Variants in ESRRG observed in about 807,000 individuals in gnomAD.
ESRRG encodes estrogen related receptor gamma.
ESRRG carries 13 observed loss-of-function variants against 44.0 expected under a neutral mutation model. That is an observed-to-expected ratio of 0.30 (90% CI 0.19 to 0.47). The LOEUF (loss-of-function observed/expected upper bound fraction) is 0.47. Among genes scored for constraint, ESRRG ranks in the 20% least tolerant of loss-of-function variants. The pLI, the probability that ESRRG is intolerant of heterozygous loss-of-function variation, is 1.00. For synonymous variants in ESRRG, 215 were observed against 214.6 expected (o/e 1.00, Z -0.02); for missense variants, 395 against 580.6 (o/e 0.68, Z 3.29).
chr1:216,659,277 A>G (rs2071622555), intron 2 of ESRRG, among the ~76,000 whole-genome samples: 1 of 152,210 alleles, frequency 6.6e-6, no homozygotes, highest in Non-Finnish European at 1.5e-5. Context: ...TGAATATGCC[A>G]TTCACTCAGA....
rs182107320 is a variant in ESRRG, at chr1:216,739,753, A to G, written c.-13-62262T>C. 3.9e-5 allele frequency among the ~76,000 whole-genome samples: 6 copies of G among 152,304 alleles called. No individual in the cohort carries two copies. In the East Asian group the frequency reaches 1.2e-3, roughly 29 times the overall value. The stretch of plus-strand genomic sequence containing the variant: ...CACTGCTAACTCCTTCTCAAAATCT[A>G]TTTTGCTAATATGGCTCTCCTATAT... On this transcript the variant is annotated intron_variant, in intron 2 of 7. Coordinates refer to the ESRRG transcript ENST00000359162.
intron 1 of ESRRG, among the ~76,000 whole-genome samples, chr1:217,026,473 C>G (rs887686927): frequency 2.6e-5 from 4 of 152,120 alleles, no homozygotes; most frequent in Non-Finnish European, 5.9e-5. Flanking sequence ...CACTTCTTCC[C>G]AAAGAGTTAT....
chr1:216,827,411 A>G (rs1452354740), intron 2 of ESRRG, among the ~76,000 whole-genome samples: 1 of 152,168 alleles, frequency 6.6e-6, no homozygotes, highest in African/African-American at 2.4e-5. Context: ...GCATCTGACA[A>G]TAACTGCAGG....
chr1:216,803,783 T>A (rs1212933134), intron 2 of ESRRG, among the ~76,000 whole-genome samples: 1 of 152,074 alleles, frequency 6.6e-6, no homozygotes, highest in Non-Finnish European at 1.5e-5. Context: ...TTTACTTGAT[T>A]TTCTCTGATC....
chr1:216,934,353 G>A (rs1452183302), intron 2 of ESRRG, among the ~76,000 whole-genome samples: 3 of 152,192 alleles, frequency 2.0e-5, no homozygotes, highest in Admixed American at 6.5e-5. Flanking sequence ...AGACTTGCTT[G>A]AACTTGGGAG....
chr1:217,073,949 A>G (rs915190984), intron 1 of ESRRG, among the ~76,000 whole-genome samples: 1 of 152,058 alleles, frequency 6.6e-6, no homozygotes, highest in Non-Finnish European at 1.5e-5. Context: ...TATACACTCC[A>G]TACTTACTAG....
chr1:216,692,292 G>A (rs2079188201), intron 1 of ESRRG, among the ~76,000 whole-genome samples: 1 of 137,518 alleles, frequency 7.3e-6, no homozygotes, highest in Non-Finnish European at 1.5e-5. Flanking sequence ...TCCTGACCCT[G>A]TGTAGGCCTA....
At chr1:216,798,898 C>A (rs899816994) in intron 2 of ESRRG, among the ~76,000 whole-genome samples, 4 of 151,922 alleles carry the variant, frequency 2.6e-5, no homozygotes, top group African/African-American at 9.7e-5. Context: ...ATATTAATTG[C>A]CATTAATAAT....
chr1:216,802,667 T>C (rs888187804), intron 2 of ESRRG, among the ~76,000 whole-genome samples: 4 of 152,090 alleles, frequency 2.6e-5, no homozygotes, highest in African/African-American at 9.7e-5. Context: ...TGAATTCTGA[T>C]TGTATTAGAC....
At chr1:216,598,530 A>G (rs1180601237) in intron 3 of ESRRG, among the ~76,000 whole-genome samples, 1 of 152,218 alleles carries the variant, frequency 6.6e-6, no homozygotes, top group Admixed American at 6.5e-5. Context: ...ATGAGCAGGG[A>G]ATTCTCCAGT....
At chr1:216,843,074 A>G (rs2095678534) in intron 2 of ESRRG, among the ~76,000 whole-genome samples, 1 of 152,132 alleles carries the variant, frequency 6.6e-6, no homozygotes, top group Non-Finnish European at 1.5e-5. Flanking sequence ...TGATCAGGGA[A>G]TTGGACAGAA....
intron 3 of ESRRG, among the ~76,000 whole-genome samples, chr1:216,586,802 C>T (rs375865453): frequency 2.0e-5 from 3 of 152,132 alleles, no homozygotes; most frequent in African/African-American, 7.2e-5. Flanking sequence ...GTCTCAAACT[C>T]GTGACCTCAA....
At chr1:216,665,527 G>T (rs1271461073) in intron 2 of ESRRG, among the ~76,000 whole-genome samples, 2 of 152,132 alleles carry the variant, frequency 1.3e-5, no homozygotes, top group Non-Finnish European at 2.9e-5. Context: ...ATGGTGGCTA[G>T]CAGGGACTGG....
intron 2 of ESRRG, among the ~76,000 whole-genome samples, chr1:216,838,452 GT>G (rs1469508628): frequency 6.6e-6 from 1 of 152,072 alleles, no homozygotes; most frequent in East Asian, 1.9e-4. Flanking sequence ...TTCTGATACT[GT>G]AGTGACTAGG....
chr1:217,106,188 G>A (rs2092593265), intron 1 of ESRRG, among the ~76,000 whole-genome samples: 1 of 152,156 alleles, frequency 6.6e-6, no homozygotes, highest in Non-Finnish European at 1.5e-5. Flanking sequence ...TTCAAATAGT[G>A]TTTAAGGAAG....
intron 1 of ESRRG, among the ~76,000 whole-genome samples, chr1:217,043,637 A>C (rs1197664394): frequency 1.3e-5 from 1 of 79,668 alleles, no homozygotes; most frequent in Non-Finnish European, 2.4e-5. Flanking sequence ...TCAGGATAAG[A>C]GGCAAAGAAT....
At chr1:217,113,111 G>A (rs919942350) in intron 1 of ESRRG, among the ~76,000 whole-genome samples, 1 of 152,180 alleles carries the variant, frequency 6.6e-6, no homozygotes, top group African/African-American at 2.4e-5. Flanking sequence ...AATGAAAAGA[G>A]GGCAGACTGT....
chr1:217,121,119 T>TATATACAC (rs996002965), intron 1 of ESRRG, among the ~76,000 whole-genome samples: 4 of 148,346 alleles, frequency 2.7e-5, no homozygotes, highest in African/African-American at 1.0e-4. Flanking sequence ...TCTTGAAGAA[T>TATATACAC]ACACACACAC....
chr1:216,986,673 G>C (rs1185123447), intron 1 of ESRRG, among the ~76,000 whole-genome samples: 1 of 152,060 alleles, frequency 6.6e-6, no homozygotes, highest in Admixed American at 6.6e-5. Context: ...ATTGCAGTGA[G>C]CCAATATCAC....
Sources: gnomAD v4.1 joint callset for allele counts (sites outside exome capture counted in the v4.1 genomes callset) on GRCh38, gnomAD v4.1.1 for gene constraint, MANE v1.5 for transcripts, NCBI Gene and HGNC (gene_info 2026-07-23, HGNC 2026-07-21) for gene names.